Variants in MYOM2 observed in about 807,000 individuals in gnomAD.
MYOM2 encodes myomesin 2.
MYOM2 carries 254 observed loss-of-function variants against 187.6 expected under a neutral mutation model. The observed-to-expected ratio is 1.35, with a 90% CI of 1.22 to 1.50. MYOM2 has a LOEUF of 1.50. Among genes scored for constraint, MYOM2 ranks in the 40% most tolerant of loss-of-function variants. The pLI, the probability that MYOM2 is intolerant of heterozygous loss-of-function variation, is 0.00. For missense variants in MYOM2, 2,796 were observed against 1,924.0 expected (o/e 1.45, Z -8.48); for synonymous variants, 981 against 753.8 (o/e 1.30, Z -4.94).
chr8:2,112,255 A>G (rs1024100385), intron 25 of MYOM2, among the ~76,000 whole-genome samples: 1 of 152,178 alleles, frequency 6.6e-6, no homozygotes, highest in Non-Finnish European at 1.5e-5. Flanking sequence ...GAAAGATAGA[A>G]CCCAGGTTAT....
At chr8:2,066,081 C>T (rs1274544620) in intron 6 of MYOM2, among the ~76,000 whole-genome samples, 1 of 152,240 alleles carries the variant, frequency 6.6e-6, no homozygotes, top group African/African-American at 2.4e-5. Flanking sequence ...AAGGCGTTCA[C>T]CCTTCCTCAC....
At chr8:2,092,284 C>G in intron 15 of MYOM2, 62 bp from the exon 16 acceptor site, 1 of 1,557,240 alleles carries the variant, frequency 6.4e-7, no homozygotes, top group South Asian at 1.2e-5. Flanking sequence ...GCCGGAAGAT[C>G]TCTGCTGTAG....
intron 13 of MYOM2, among the ~76,000 whole-genome samples, chr8:2,082,700 G>A (rs761620868): frequency 2.6e-5 from 4 of 152,184 alleles, no homozygotes; most frequent in Non-Finnish European, 5.9e-5. Flanking sequence ...TATAATAAGA[G>A]CGTTTTTACT....
At chr8:2,053,410 CCT>C (rs1203520151) in intron 3 of MYOM2, among the ~76,000 whole-genome samples, 2 of 152,142 alleles carry the variant, frequency 1.3e-5, no homozygotes, top group Non-Finnish European at 2.9e-5. Flanking sequence ...GGTTCTTCTA[CCT>C]ATATTTAGGT....
rs1270513671 is a variant in MYOM2 at position 2,130,352 on chromosome 8, C to T, written c.3800+1120C>T. Among the ~76,000 whole-genome samples, 4 of 120,386 alleles carry T rather than the reference C, an allele frequency of 3.3e-5. No homozygotes were observed. The South Asian group carries it at 8.8e-4, about 26-fold the overall frequency. The allele number at this position is 120,386 out of a possible 152,430, so 79.0% of individuals were successfully genotyped here. ...TATACCCAGGGCGCCCACACCCCGC[C>T]TTTAGTTAACGCCCCTCACTACGCT... On this transcript the variant is annotated intron_variant, in intron 32 of 36. Coordinates refer to ENST00000262113, the MANE Select transcript of MYOM2 (RefSeq NM_003970.4).
chr8:2,096,453 C>T lies in MYOM2; in HGVS notation c.2313+19C>T. On this transcript the variant is annotated intron_variant, in intron 18 of 36. Coordinates refer to ENST00000262113, the MANE Select transcript of MYOM2 (RefSeq NM_003970.4). ...CCTAACGGTCAGTTGGTTTTTATTCCTTCGTCTATTTTTGCCTGGGTGGTT... is the reference window on the plus strand; with the variant it reads ...CCTAACGGTCAGTTGGTTTTTATTCTTTCGTCTATTTTTGCCTGGGTGGTT... 1.9e-6 allele frequency: 3 copies of T among 1,611,106 alleles called. No individual in the cohort carries two copies. The highest frequency in any genetic ancestry group is 1.7e-4 in the Middle Eastern group (1 of 6,048).
In MYOM2 at chr8:2,052,219, G is replaced by A. The variant is rs750355453; in HGVS notation, c.169G>A (p.Ala57Thr). 3.7e-6 allele frequency: 6 copies of A among 1,613,120 alleles called. No individual in the cohort carries two copies. The highest frequency in any genetic ancestry group is 2.7e-5 in the African/African-American group (2 of 74,922). Residue 57 changes from alanine (A) to threonine (T), a missense_variant, in exon 3 of 37, where the codon GCC becomes ACC. Transcript: ENST00000262113. ...GAGTCAGCGGTCGTCTTCACAGAGA[G>A]CCTCCAGCCAGACGTCCCTGGGAGG... ...SLSQRSSSQR[A>T]SSQTSLGGTI...
chr8:2,127,377 G>A (rs919349641), intron 31 of MYOM2, among the ~76,000 whole-genome samples: 1 of 152,114 alleles, frequency 6.6e-6, no homozygotes, highest in African/African-American at 2.4e-5. Context: ...GAGCTCACTC[G>A]GTTCCCTGCG....
At chr8:2,109,221 C>T in intron 24 of MYOM2, 174 bp from the exon 25 acceptor site, 1 of 765,106 alleles carries the variant, frequency 1.3e-6, no homozygotes, top group Non-Finnish European at 2.0e-6. Flanking sequence ...TTAGAGGCAA[C>T]AACAGGCCAG....
chr8:2,082,754 C>T (rs1170757917), intron 13 of MYOM2, among the ~76,000 whole-genome samples: 1 of 152,234 alleles, frequency 6.6e-6, no homozygotes, highest in African/African-American at 2.4e-5. Context: ...TGTATGCAAG[C>T]ATTGGCTGTG....
intron 13 of MYOM2, among the ~76,000 whole-genome samples, chr8:2,084,305 C>T (rs576402822): frequency 6.6e-6 from 1 of 152,302 alleles, no homozygotes; most frequent in African/African-American, 2.4e-5. Flanking sequence ...TGCCTCTGAC[C>T]TGTAATGCGC....
rs1796481091 is a variant in MYOM2, at chr8:2,096,284, C to T, written c.2163C>T (p.Asn721=). The T allele has an allele frequency of 6.2e-7, 1 of 1,614,200 alleles. No homozygotes were observed. Among genetic ancestry groups the T allele is most frequent in the African/African-American group, 1.3e-5 (1 of 75,070 alleles). ...PSHPYGITLL[N]CDGHSMTLGW... ...ATCCTTATGGGATTACGCTCCTCAA[C>T]TGTGACGGCCACTCCATGACCCTCG... Residue 721 remains asparagine, a synonymous_variant, in exon 18 of 37, where the codon AAC becomes AAT. Transcript: ENST00000262113.
intron 13 of MYOM2, among the ~76,000 whole-genome samples, chr8:2,080,072 T>C (rs925820815): frequency 6.6e-6 from 1 of 152,272 alleles, no homozygotes; most frequent in African/African-American, 2.4e-5. Flanking sequence ...GGTCCTTATG[T>C]ATATTTGATT....
chr8:2,144,115 G>A (rs2116930243), intron 36 of MYOM2, among the ~76,000 whole-genome samples: 1 of 152,116 alleles, frequency 6.6e-6, no homozygotes, highest in South Asian at 2.1e-4. Flanking sequence ...GCTAATGGAA[G>A]CCTAGAGAGC....
intron 32 of MYOM2, among the ~76,000 whole-genome samples, chr8:2,135,538 C>T (rs760826337): frequency 8.5e-5 from 13 of 152,158 alleles, no homozygotes; most frequent in Non-Finnish European, 1.8e-4. Flanking sequence ...TACCTGTCTC[C>T]TTCCTACCTA....
intron 31 of MYOM2, among the ~76,000 whole-genome samples, chr8:2,125,419 G>T (rs1215676018): frequency 6.6e-6 from 1 of 151,818 alleles, no homozygotes; most frequent in Admixed American, 6.6e-5. Context: ...TTCATTTCTG[G>T]GCTCTTTATC....
At chr8:2,078,098 A>C (rs1819496030) in intron 11 of MYOM2, among the ~76,000 whole-genome samples, 1 of 152,172 alleles carries the variant, frequency 6.6e-6, no homozygotes, top group Non-Finnish European at 1.5e-5. Context: ...TTTTTTTCTT[A>C]CATTTTTCAA....
chr8:2,082,019 G>A (rs191102407), intron 13 of MYOM2: 2 of 152,238 alleles, frequency 1.3e-5, no homozygotes, highest in African/African-American at 4.8e-5. Context: ...TTCCAAGTCT[G>A]TGTTTATGCG....
chr8:2,099,397 C>T (rs1003866992), intron 19 of MYOM2, among the ~76,000 whole-genome samples: 1 of 152,034 alleles, frequency 6.6e-6, no homozygotes, highest in Admixed American at 6.6e-5. Flanking sequence ...CTGGGAGGCG[C>T]GACAGGGTTC....
Sources: allele counts gnomAD v4.1 joint callset (sites outside exome capture counted in the v4.1 genomes callset), GRCh38; gene constraint gnomAD v4.1.1; transcripts MANE v1.5; gene names NCBI Gene and HGNC (gene_info 2026-07-23, HGNC 2026-07-21).